Variants in KCNG2 observed in about 807,000 individuals in gnomAD.
The protein encoded by KCNG2 is voltage-gated potassium channel regulatory subunit KCNG2.
Under a neutral mutation model 12.3 loss-of-function variants are expected in KCNG2, and 7 were observed. The observed-to-expected ratio is 0.57, with a 90% CI of 0.32 to 1.07. KCNG2 has a LOEUF of 1.07. KCNG2 is among the 50% of genes least tolerant of loss of function. The probability of loss-of-function intolerance (pLI) is 0.04; values close to 1 mark genes in which losing one functional copy is unlikely to be tolerated. For missense variants in KCNG2, 703 were observed against 726.0 expected (o/e 0.97, Z 0.36); for synonymous variants, 414 against 351.4 (o/e 1.18, Z -1.99).
chr18:79,833,304 T>A lies in KCNG2; in HGVS notation c.-114-23075T>A, dbSNP rs185561153. On this transcript the variant is annotated intron_variant, in intron 1 of 3. Transcript: ENST00000316249. ...GTGTGTGCTACCACACCTGGCTAAT[T>A]TCTTGTTTATTTTTTTGTAGAGACA... is the stretch of plus-strand genomic sequence containing the variant. 2.2e-4 allele frequency among the ~76,000 whole-genome samples: 34 copies of A among 152,130 alleles called. No individual in the cohort carries two copies. The East Asian group carries it at 6.4e-3, about 29-fold the overall frequency.
chr18:79,874,450 G>A (rs980836179), intron 3 of KCNG2, among the ~76,000 whole-genome samples: 2 of 152,230 alleles, frequency 1.3e-5, no homozygotes, highest in Admixed American at 6.5e-5. Flanking sequence ...CACTTACTGC[G>A]CGTCAGTCAG....
At chr18:79,897,510 G>C (rs535587116) in intron 3 of KCNG2, among the ~76,000 whole-genome samples, 7 of 152,250 alleles carry the variant, frequency 4.6e-5, no homozygotes, top group African/African-American at 1.7e-4. Flanking sequence ...CATATTGATA[G>C]TGGCTGCTTT....
At chr18:79,820,114 G>A (rs964504131) in intron 1 of KCNG2, among the ~76,000 whole-genome samples, 4 of 152,344 alleles carry the variant, frequency 2.6e-5, no homozygotes, top group South Asian at 2.1e-4. Context: ...CACTGTGTGC[G>A]TCCACCCTCT....
At chr18:79,880,234 T>TA (rs1003828595) in intron 3 of KCNG2, among the ~76,000 whole-genome samples, 1 of 149,208 alleles carries the variant, frequency 6.7e-6, no homozygotes, top group African/African-American at 2.5e-5. Flanking sequence ...TAGGGATAGT[T>TA]ACATGGGTTG....
rs1310734572 is a variant in KCNG2, at chr18:79,864,303, C to G, written c.624+12C>G. 1 of 1,296,596 alleles carries G rather than the reference C, an allele frequency of 7.7e-7. No homozygotes were observed. Among genetic ancestry groups the G allele is most frequent in the South Asian group, 1.3e-5 (1 of 75,354 alleles). 80.3% of individuals were successfully genotyped at this position (1,296,596 alleles called of 1,614,324 possible). A position where few individuals can be genotyped will look rare whatever the true frequency, so the allele number is the denominator to read the frequency against. On this transcript the variant is annotated intron_variant, in intron 3 of 3. Coordinates refer to ENST00000316249, the MANE Select transcript of KCNG2 (RefSeq NM_012283.2). ...CCGAGGAGGAGCGGGTGAGCGCGGC[C>G]GGGGGTGGCGGGGACCGGGCCGGAG... is the stretch of plus-strand genomic sequence containing the variant.
chr18:79,881,892 G>C (rs1241110275), intron 3 of KCNG2, among the ~76,000 whole-genome samples: 1 of 152,198 alleles, frequency 6.6e-6, no homozygotes, highest in Non-Finnish European at 1.5e-5. Flanking sequence ...ACACAGTCCA[G>C]GAATAGAACC....
chr18:79,798,076 C>A, intron 1 of KCNG2, among the ~76,000 whole-genome samples, 62 bp downstream of exon 1: 1 of 146,900 alleles, frequency 6.8e-6, no homozygotes, highest in Non-Finnish European at 1.5e-5. Context: ...GCCGGGGCCG[C>A]AGTGGGCGGT....
intron 1 of KCNG2, among the ~76,000 whole-genome samples, chr18:79,830,475 A>G (rs1978292308): frequency 6.6e-6 from 1 of 152,248 alleles, no homozygotes; most frequent in African/African-American, 2.4e-5. Context: ...CTGCAAAAAC[A>G]TTTATTCCTC....
chr18:79,826,422 C>T (rs1978285997), intron 1 of KCNG2, among the ~76,000 whole-genome samples: 1 of 151,642 alleles, frequency 6.6e-6, no homozygotes, highest in Non-Finnish European at 1.5e-5. Context: ...ACTGAGCGAG[C>T]AGCTCCTCAC....
chr18:79,830,782 C>G lies in KCNG2; in HGVS notation c.-114-25597C>G, dbSNP rs564122. On this transcript the variant is annotated intron_variant, in intron 1 of 3. Transcript: ENST00000316249. ...ACAGAGCCTTCGTCAGGAGGGTTCC[C>G]TGCGGACAGAGCCTTCGTCAGGAGG... Among the ~76,000 whole-genome samples, 4 of 101,600 alleles carry G rather than the reference C, an allele frequency of 3.9e-5. No individual in the cohort carries two copies. The East Asian group carries it at 1.1e-3, about 29-fold the overall frequency. The allele number at this position is 101,600 out of a possible 152,430, so 66.7% of individuals were successfully genotyped here.
At chr18:79,849,481 C>G (rs1171176285) in intron 1 of KCNG2, among the ~76,000 whole-genome samples, 1 of 152,224 alleles carries the variant, frequency 6.6e-6, no homozygotes, top group South Asian at 2.1e-4. Flanking sequence ...CAAGGTCGTC[C>G]GCGTGCAGGA....
intron 3 of KCNG2, among the ~76,000 whole-genome samples, chr18:79,873,878 C>T (rs935294274): frequency 1.2e-4 from 18 of 152,228 alleles, no homozygotes; most frequent in Non-Finnish European, 1.6e-4. Flanking sequence ...CTGTGAGAGG[C>T]GCTGGCCTCG....
intron 1 of KCNG2, among the ~76,000 whole-genome samples, chr18:79,845,065 C>T (rs574634927): frequency 6.6e-6 from 1 of 152,250 alleles, no homozygotes; most frequent in Non-Finnish European, 1.5e-5. Context: ...TGCATCCATC[C>T]CATGGAATAC....
At chr18:79,891,671 G>A (rs922919111) in intron 3 of KCNG2, among the ~76,000 whole-genome samples, 1 of 152,156 alleles carries the variant, frequency 6.6e-6, no homozygotes, top group African/African-American at 2.4e-5. Flanking sequence ...CCACATATTT[G>A]TGAGGTTCCC....
At chr18:79,837,374 C>T (rs756532340) in intron 1 of KCNG2, among the ~76,000 whole-genome samples, 3 of 152,176 alleles carry the variant, frequency 2.0e-5, no homozygotes, top group Non-Finnish European at 4.4e-5. Flanking sequence ...CTTTTCCAGG[C>T]AGATGGTGCA....
intron 3 of KCNG2, among the ~76,000 whole-genome samples, chr18:79,880,316 C>CAAAA (rs59558361): frequency 0.017 from 1,680 of 101,132 alleles, 45 homozygotes; most frequent in Non-Finnish European, 0.025. Flanking sequence ...GACTCTGTCT[C>CAAAA]AAAAAAAAAA....
At chr18:79,890,101 C>T (rs1980693288) in intron 3 of KCNG2, among the ~76,000 whole-genome samples, 1 of 152,120 alleles carries the variant, frequency 6.6e-6, no homozygotes. Flanking sequence ...TCTTTTTCTA[C>T]ACTGCCGAAT....
chr18:79,898,281 A>G (rs370782788), intron 3 of KCNG2, among the ~76,000 whole-genome samples: 3 of 152,298 alleles, frequency 2.0e-5, no homozygotes, highest in African/African-American at 7.2e-5. Flanking sequence ...CTCAGTGTGA[A>G]TGACACCCTC....
chr18:79,898,347 G>A (rs968940216), intron 3 of KCNG2, among the ~76,000 whole-genome samples: 2 of 152,176 alleles, frequency 1.3e-5, no homozygotes, highest in Non-Finnish European at 2.9e-5. Flanking sequence ...GCCTCTCCTG[G>A]CCTGGAATCA....
Sources: gnomAD v4.1 joint callset for allele counts (sites outside exome capture counted in the v4.1 genomes callset) on GRCh38, gnomAD v4.1.1 for gene constraint, MANE v1.5 for transcripts, NCBI Gene and HGNC (gene_info 2026-07-23, HGNC 2026-07-21) for gene names.